POLR3B: variants seen among roughly 807,000 people sequenced by gnomAD.
The protein encoded by POLR3B is DNA-directed RNA polymerase III subunit RPC2.
In POLR3B, 96 loss-of-function variants were observed where a neutral mutation model predicts 147.4. The observed-to-expected ratio is 0.65, with a 90% CI of 0.55 to 0.77. POLR3B has a LOEUF of 0.77. Ranked by LOEUF, POLR3B falls within the 30% of genes least tolerant of loss-of-function variation. The pLI is 0.00. For missense variants in POLR3B, 1,036 were observed against 1,413.5 expected (o/e 0.73, Z 4.28); for synonymous variants, 461 against 485.9 (o/e 0.95, Z 0.67).
intron 23 of POLR3B, among the ~76,000 whole-genome samples, chr12:106,476,073 ATC>A (rs2038165841): frequency 7.1e-6 from 1 of 140,230 alleles, no homozygotes. Context: ...TGGTGACAAA[ATC>A]TCTCAGCATT....
chr12:106,378,379 T>TA lies in POLR3B; in HGVS notation c.610dup (p.Thr204AsnfsTer6). On this transcript the variant is annotated frameshift_variant, in exon 8 of 28. Transcript: ENST00000228347. LOFTEE classifies it high-confidence loss of function. ...GAAAAGGGGCTGTTGGAGCTTCAGT[T>TA]ACCAGGTATGGAAAGCAGAGATGGT... 1.3e-6 allele frequency: 2 copies of TA among 1,596,834 alleles called. No individual in the cohort carries two copies. The highest frequency in any genetic ancestry group is 8.6e-7 in the Non-Finnish European group (1 of 1,164,228).
chr12:106,461,953 C>T (rs1452901901), intron 22 of POLR3B, among the ~76,000 whole-genome samples: 2 of 152,202 alleles, frequency 1.3e-5, no homozygotes, highest in Non-Finnish European at 2.9e-5. Flanking sequence ...TTCATATCAG[C>T]ACTTGGACAG....
chr12:106,397,621 G>T (rs896484576), intron 10 of POLR3B, among the ~76,000 whole-genome samples: 2 of 152,134 alleles, frequency 1.3e-5, no homozygotes, highest in Non-Finnish European at 2.9e-5. Context: ...TGAGCTTATT[G>T]TCTAAGATTC....
At chr12:106,459,037 G>A (rs1371128709) in intron 21 of POLR3B, among the ~76,000 whole-genome samples, 7 of 149,906 alleles carry the variant, frequency 4.7e-5, no homozygotes, top group Non-Finnish European at 1.1e-4. Flanking sequence ...GTGTGTGTGT[G>A]TGTGTGGGTG....
intron 23 of POLR3B, among the ~76,000 whole-genome samples, chr12:106,468,412 T>C (rs1354388075): frequency 2.6e-5 from 4 of 152,230 alleles, no homozygotes; most frequent in Non-Finnish European, 4.4e-5. Context: ...CTCCTGGATT[T>C]ATTGATTTTT....
chr12:106,408,816 T>C (rs1271323969), intron 11 of POLR3B, among the ~76,000 whole-genome samples: 1 of 152,198 alleles, frequency 6.6e-6, no homozygotes, highest in Non-Finnish European at 1.5e-5. Context: ...CATATGACTC[T>C]GGGAACAGTC....
At chr12:106,358,123 C>T (rs1377754465) in intron 1 of POLR3B, 172 bp downstream of exon 1, 13 of 1,482,542 alleles carry the variant, frequency 8.8e-6, no homozygotes, top group Non-Finnish European at 1.2e-5. Context: ...AGCCGGCCTC[C>T]GCGTGCGCGA....
intron 10 of POLR3B, among the ~76,000 whole-genome samples, chr12:106,401,675 T>C (rs2037069464): frequency 6.6e-6 from 1 of 152,252 alleles, no homozygotes; most frequent in Non-Finnish European, 1.5e-5. Flanking sequence ...AATCAATAAA[T>C]GTAATCCAGC....
intron 23 of POLR3B, among the ~76,000 whole-genome samples, chr12:106,487,296 A>C (rs1323430951): frequency 6.6e-6 from 1 of 152,250 alleles, no homozygotes; most frequent in Non-Finnish European, 1.5e-5. Context: ...GTCCAGATAC[A>C]TGCCAGAATA....
At chr12:106,507,849 TG>T (rs1160362281) in intron 27 of POLR3B, 2 of 455,236 alleles carry the variant, frequency 4.4e-6, no homozygotes, top group African/African-American at 4.0e-5. Flanking sequence ...ATTGCAAAAA[TG>T]ATCCCTGCTC....
chr12:106,393,239 C>G, intron 10 of POLR3B, 86 bp downstream of exon 10: 3 of 1,564,024 alleles, frequency 1.9e-6, no homozygotes, highest in Non-Finnish European at 1.8e-6. Flanking sequence ...GATGTGATGG[C>G]TTTGGGCTCA....
At chr12:106,477,418 T>A (rs949161265) in intron 23 of POLR3B, among the ~76,000 whole-genome samples, 1 of 137,882 alleles carries the variant, frequency 7.3e-6, no homozygotes, top group African/African-American at 3.0e-5. Context: ...GGCTGCTTTG[T>A]TTACCTAAGC....
chr12:106,398,587 A>AG (rs1371445974), intron 10 of POLR3B, among the ~76,000 whole-genome samples: 1 of 152,180 alleles, frequency 6.6e-6, no homozygotes, highest in Non-Finnish European at 1.5e-5. Flanking sequence ...ACCCCCCAGT[A>AG]GGGGCGGACT....
intron 27 of POLR3B, chr12:106,507,562 C>A: frequency 7.7e-6 from 2 of 260,792 alleles, no homozygotes; most frequent in Non-Finnish European, 1.5e-5. Context: ...ACATTAAAAA[C>A]GTAATTTTTG....
intron 25 of POLR3B, among the ~76,000 whole-genome samples, chr12:106,500,867 A>G (rs1306954616): frequency 6.6e-6 from 1 of 152,214 alleles, no homozygotes; most frequent in African/African-American, 2.4e-5. Context: ...ACAGATTCCA[A>G]GTATGATGGG....
intron 10 of POLR3B, among the ~76,000 whole-genome samples, chr12:106,405,530 C>T (rs1051049601): frequency 9.1e-6 from 1 of 110,224 alleles, no homozygotes; most frequent in Non-Finnish European, 1.9e-5. Context: ...CTGATGGCTG[C>T]TATATGTCTA....
Position 106,409,361 on chromosome 12 carries a change from TTTTTTTTTTTC to T in POLR3B, c.967-1462_967-1452del, listed in dbSNP as rs2037192270. ...TTGTAAGAGGGTTTTTTTTGTTTTT[TTTTTTTTTTTC>T]TTGAGGATGGACAAGAGCCTTTTCT... On this transcript the variant is annotated intron_variant, in intron 11 of 27. Coordinates refer to ENST00000228347, the MANE Select transcript of POLR3B (RefSeq NM_018082.6). Among the ~76,000 whole-genome samples the T allele has an allele frequency of 4.8e-5, 7 of 145,544 alleles. 1 individual carries two copies. The highest frequency in any genetic ancestry group is 2.2e-4 in the South Asian group (1 of 4,562).
chr12:106,405,539 TACACACACACACACACACACACAC>T (rs71072675), intron 10 of POLR3B, among the ~76,000 whole-genome samples: 2 of 142,700 alleles, frequency 1.4e-5, no homozygotes, highest in South Asian at 4.7e-4. Flanking sequence ...GCTATATGTC[TACACACACACACACACACACACAC>T]ACACACACAC....
In POLR3B at chr12:106,431,023, A is replaced by G. The variant is rs374315326; in HGVS notation, c.1464+550A>G. 5.9e-5 allele frequency among the ~76,000 whole-genome samples: 9 copies of G among 152,328 alleles called. No individual in the cohort carries two copies. The East Asian group carries it at 1.5e-3, about 26-fold the overall frequency. On this transcript the variant is annotated intron_variant, in intron 14 of 27. Transcript: ENST00000228347. ...ACGGTCCTTTCTCCTTTGTGTTAAC[A>G]TTGTTAGTTTCACTTGATTCTATTC...
Sources: allele counts gnomAD v4.1 joint callset (sites outside exome capture counted in the v4.1 genomes callset), GRCh38; gene constraint gnomAD v4.1.1; transcripts MANE v1.5; gene names NCBI Gene and HGNC (gene_info 2026-07-23, HGNC 2026-07-21).